The following GRID1 variants were observed in gnomAD, a reference collection of about 807,000 sequenced individuals.
GRID1 encodes glutamate receptor ionotropic, delta-1.
A neutral mutation model predicts 98.0 loss-of-function variants in GRID1; 28 were observed. That is an observed-to-expected ratio of 0.29 (90% CI 0.21 to 0.39). The LOEUF is 0.39. Ranked by LOEUF, GRID1 falls within the 10% of genes least tolerant of loss-of-function variation. GRID1 has a pLI of 1.00. For synonymous variants in GRID1, 553 were observed against 538.5 expected (o/e 1.03, Z -0.37); for missense variants, 1,111 against 1,340.5 (o/e 0.83, Z 2.67).
chr10:86,299,624 T>A (rs1187830334), intron 2 of GRID1, among the ~76,000 whole-genome samples: 1 of 151,920 alleles, frequency 6.6e-6, no homozygotes, highest in African/African-American at 2.4e-5. Flanking sequence ...ATGACAACAC[T>A]TGGACACAGG....
chr10:86,253,855 A>C (rs1846873776), intron 2 of GRID1, among the ~76,000 whole-genome samples: 1 of 152,038 alleles, frequency 6.6e-6, no homozygotes, highest in Non-Finnish European at 1.5e-5. Context: ...GTGACACTTG[A>C]CACCGACCCT....
At chr10:85,632,691 G>A (rs1411348108) in intron 13 of GRID1, among the ~76,000 whole-genome samples, 3 of 152,132 alleles carry the variant, frequency 2.0e-5, no homozygotes. Flanking sequence ...CTACAGACAT[G>A]TGCCACCACA....
intron 12 of GRID1, among the ~76,000 whole-genome samples, chr10:85,701,891 C>A (rs1841455737): frequency 6.6e-6 from 1 of 151,966 alleles, no homozygotes. Context: ...ACAGGTACAC[C>A]AAAATCTCAC....
chr10:86,139,968 C>A (rs36017408), intron 3 of GRID1, among the ~76,000 whole-genome samples: 26,002 of 152,214 alleles, frequency 0.17, 2,539 homozygotes, highest in Middle Eastern at 0.28. Context: ...AAGAGACATG[C>A]CCAGGAACAG....
At chr10:86,130,291 C>A (rs1311663872) in intron 4 of GRID1, among the ~76,000 whole-genome samples, 1 of 152,230 alleles carries the variant, frequency 6.6e-6, no homozygotes, top group Non-Finnish European at 1.5e-5. Context: ...AGATTCCTAC[C>A]AGTGATGTAG....
rs146266826 is a variant in GRID1, at chr10:86,239,976, G to A, written c.236-33328C>T. On this transcript the variant is annotated intron_variant, in intron 2 of 15. Coordinates refer to ENST00000327946, the MANE Select transcript of GRID1 (RefSeq NM_017551.3). ...TGGTGTCCTCATAAGAAGAGGAGAT[G>A]AGGACACAGGTACACACAGAGGGAA... Among the ~76,000 whole-genome samples the A allele has an allele frequency of 3.7e-4, 57 of 152,248 alleles. 1 individual carries two copies. Among genetic ancestry groups the A allele is most frequent in the African/African-American group, 1.2e-3 (50 of 41,524 alleles).
intron 5 of GRID1, among the ~76,000 whole-genome samples, chr10:85,888,044 A>C (rs1841142407): frequency 6.6e-6 from 1 of 151,876 alleles, no homozygotes; most frequent in Non-Finnish European, 1.5e-5. Flanking sequence ...ACTGTTCCTC[A>C]CCTCCAGGAA....
intron 2 of GRID1, among the ~76,000 whole-genome samples, chr10:86,277,966 A>G (rs1325699979): frequency 2.0e-5 from 3 of 152,150 alleles, no homozygotes; most frequent in African/African-American, 7.2e-5. Context: ...AACTATAAAC[A>G]GTAAAATGGC....
chr10:86,075,533 G>T (rs1032237296), intron 4 of GRID1, among the ~76,000 whole-genome samples: 1 of 152,188 alleles, frequency 6.6e-6, no homozygotes, highest in East Asian at 1.9e-4. Flanking sequence ...CTCCAGAACT[G>T]TGAGATGATA....
chr10:86,110,871 A>G (rs955723974), intron 4 of GRID1, among the ~76,000 whole-genome samples: 3 of 152,250 alleles, frequency 2.0e-5, no homozygotes, highest in Admixed American at 1.3e-4. Context: ...TATTCAGTAA[A>G]CAATTCTAAG....
chr10:86,085,913 G>T (rs1844048351), intron 4 of GRID1, among the ~76,000 whole-genome samples: 1 of 152,092 alleles, frequency 6.6e-6, no homozygotes, highest in Admixed American at 6.5e-5. Flanking sequence ...GCATTGCCCA[G>T]CATCCCGAGC....
chr10:85,915,755 T>G (rs1300900414), intron 5 of GRID1, among the ~76,000 whole-genome samples: 1 of 152,148 alleles, frequency 6.6e-6, no homozygotes, highest in Non-Finnish European at 1.5e-5. Flanking sequence ...GTGCACACCC[T>G]GCATACACAC....
At chr10:85,985,024 T>C (rs1367152426) in intron 4 of GRID1, among the ~76,000 whole-genome samples, 4 of 152,120 alleles carry the variant, frequency 2.6e-5, no homozygotes, top group African/African-American at 7.2e-5. Context: ...CTCTGCATTG[T>C]AGGATTTTTA....
At chr10:85,922,119 C>T (rs1396235002) in intron 4 of GRID1, among the ~76,000 whole-genome samples, 1 of 152,210 alleles carries the variant, frequency 6.6e-6, no homozygotes, top group African/African-American at 2.4e-5. Flanking sequence ...ATGCTGCTCT[C>T]TGAAAGCCCC....
chr10:86,256,883 G>T (rs1422932752), intron 2 of GRID1, among the ~76,000 whole-genome samples: 1 of 152,174 alleles, frequency 6.6e-6, no homozygotes, highest in African/African-American at 2.4e-5. Context: ...CTGGGCCTGG[G>T]TTTACAGTAG....
intron 5 of GRID1, among the ~76,000 whole-genome samples, chr10:85,900,156 AG>A (rs1165169429): frequency 6.6e-6 from 1 of 152,234 alleles, no homozygotes; most frequent in Non-Finnish European, 1.5e-5. Flanking sequence ...CAGCTTTGAA[AG>A]GACCCTTCCT....
chr10:86,087,270 T>C (rs1303479365), intron 4 of GRID1, among the ~76,000 whole-genome samples: 1 of 152,032 alleles, frequency 6.6e-6, no homozygotes. Context: ...TGTCTGAGCA[T>C]CTATGTGTCT....
At chr10:85,896,095 A>T (rs947869772) in intron 5 of GRID1, among the ~76,000 whole-genome samples, 1 of 152,116 alleles carries the variant, frequency 6.6e-6, no homozygotes, top group Non-Finnish European at 1.5e-5. Context: ...GCTACTTTAC[A>T]TTGTCTTCCA....
chr10:85,932,103 C>T (rs1199283208), intron 4 of GRID1, among the ~76,000 whole-genome samples: 1 of 152,210 alleles, frequency 6.6e-6, no homozygotes, highest in Non-Finnish European at 1.5e-5. Context: ...GGTGCTGAGG[C>T]TCTCAGAGGC....
Sources: allele counts gnomAD v4.1 joint callset (sites outside exome capture counted in the v4.1 genomes callset), GRCh38; gene constraint gnomAD v4.1.1; transcripts MANE v1.5; gene names NCBI Gene and HGNC (gene_info 2026-07-23, HGNC 2026-07-21).